The following PRPSAP1 variants were observed in gnomAD, a reference collection of about 807,000 sequenced individuals.
The protein encoded by PRPSAP1 is phosphoribosyl pyrophosphate synthetase associated protein 1, also known as phosphoribosyl pyrophosphate synthase-associated protein 1.
PRPSAP1 carries 31 observed loss-of-function variants against 39.4 expected under a neutral mutation model. That is an observed-to-expected ratio of 0.79 (90% CI 0.59 to 1.06). The LOEUF is 1.06. Among genes scored for constraint, PRPSAP1 ranks in the 50% least tolerant of loss-of-function variants. The pLI, the probability that PRPSAP1 is intolerant of heterozygous loss-of-function variation, is 0.00. For synonymous variants in PRPSAP1, 212 were observed against 192.6 expected, an observed-to-expected ratio of 1.10 and a Z score of -0.83; for missense variants, 430 against 511.6, an observed-to-expected ratio of 0.84 and a Z score of 1.54.
At chr17:76,340,303 TACTC>T (rs2071421922) in intron 3 of PRPSAP1, among the ~76,000 whole-genome samples, 1 of 151,770 alleles carries the variant, frequency 6.6e-6, no homozygotes, top group Admixed American at 6.6e-5. Flanking sequence ...AATTTCCTAA[TACTC>T]AAGATACAAG....
chr17:76,343,113 C>T (rs561411304), intron 3 of PRPSAP1, among the ~76,000 whole-genome samples: 2 of 152,270 alleles, frequency 1.3e-5, no homozygotes, highest in African/African-American at 4.8e-5. Context: ...ACATATAAAG[C>T]ATCCAGCACA....
intron 7 of PRPSAP1, among the ~76,000 whole-genome samples, chr17:76,319,632 C>T (rs551480928): frequency 6.6e-6 from 1 of 152,094 alleles, no homozygotes; most frequent in African/African-American, 2.4e-5. Flanking sequence ...CCATGCTCGG[C>T]TAATTTTTGT....
intron 4 of PRPSAP1, among the ~76,000 whole-genome samples, chr17:76,331,305 T>G (rs2071319956): frequency 6.6e-6 from 1 of 152,198 alleles, no homozygotes; most frequent in Admixed American, 6.5e-5. Flanking sequence ...TTACTTGTTC[T>G]TTCCAGAAAC....
At chr17:76,345,245 A>AAAAAAAAAAAAAAAAAAAAAAAG (rs1567809415) in intron 2 of PRPSAP1, among the ~76,000 whole-genome samples, 1 of 141,890 alleles carries the variant, frequency 7.0e-6, no homozygotes, top group African/African-American at 2.6e-5. Context: ...ATTAAAAAAA[A>AAAAAAAAAAAAAAAAAAAAAAAG]AAAAAAAAAA....
rs766193460 is a variant in PRPSAP1, at chr17:76,313,824, G to A, written c.849C>T (p.Ile283=). ...CATGGATGACATATAACCATACCACGATGATTGCGATGCGGCCTCCAACAT... is the reference window on the plus strand; with the variant it reads ...CATGGATGACATATAACCATACCACAATGATTGCGATGCGGCCTCCAACAT... ...VGDVGGRIAI[I]VDDIIDDVES... The change falls in exon 8 of 10, where the codon ATC becomes ATT. Residue 283 remains isoleucine, a synonymous_variant. Coordinates refer to ENST00000446526, the MANE Select transcript of PRPSAP1 (RefSeq NM_002766.3). 19 of 1,614,012 alleles carry A rather than the reference G, an allele frequency of 1.2e-5. No individual in the cohort carries two copies. The highest frequency in any genetic ancestry group is 5.5e-5 in the South Asian group (5 of 91,074).
chr17:76,335,308 T>C (rs2071366095), intron 3 of PRPSAP1, among the ~76,000 whole-genome samples: 1 of 151,860 alleles, frequency 6.6e-6, no homozygotes, highest in Non-Finnish European at 1.5e-5. Flanking sequence ...TCAGTTAATT[T>C]AGTAGCTTCT....
chr17:76,325,069 CAAA>C (rs71161285), intron 7 of PRPSAP1, among the ~76,000 whole-genome samples: 7 of 117,526 alleles, frequency 6.0e-5, no homozygotes, highest in Admixed American at 1.8e-4. Context: ...CGTCTCAAAA[CAAA>C]AAAAAAAAAA....
At chr17:76,315,745 C>G (rs1436171357) in intron 7 of PRPSAP1, among the ~76,000 whole-genome samples, 1 of 116,034 alleles carries the variant, frequency 8.6e-6, no homozygotes, top group East Asian at 3.0e-4. Context: ...GACAGAGTCT[C>G]ACTCTGTCTC....
intron 7 of PRPSAP1, among the ~76,000 whole-genome samples, chr17:76,322,968 C>A (rs1567800276): frequency 2.0e-5 from 3 of 151,632 alleles, no homozygotes; most frequent in Non-Finnish European, 2.9e-5. Flanking sequence ...CACTGCAGGT[C>A]TGGGTGAGAG....
Position 76,351,512 on chromosome 17 carries a change from CAAAACAA to C in PRPSAP1, c.170+2015_170+2021del, listed in dbSNP as rs372627124. On this transcript the variant is annotated intron_variant, in intron 1 of 9. Transcript: ENST00000446526. The stretch of plus-strand genomic sequence containing the variant: ...CCTGGGCGACAGCGAGACTCCGTCT[CAAAACAA>C]AAAACAAAAAACAAAAAACTAGCCA... Among the ~76,000 whole-genome samples the C allele has an allele frequency of 4.3e-3, 654 of 150,376 alleles. 3 individuals carry two copies. Among genetic ancestry groups the C allele is most frequent in the African/African-American group, 0.015 (614 of 40,868 alleles).
intron 3 of PRPSAP1, among the ~76,000 whole-genome samples, chr17:76,343,543 G>A (rs2071462816): frequency 1.3e-5 from 2 of 152,208 alleles, no homozygotes. Context: ...TGTCCTTGAG[G>A]AGTTTAAAGC....
intron 7 of PRPSAP1, chr17:76,314,463 C>T (rs1052214212): frequency 2.0e-5 from 3 of 153,198 alleles, no homozygotes; most frequent in African/African-American, 4.8e-5. Context: ...GTGATCCACC[C>T]GCCTCAGCCT....
At chr17:76,351,790 C>T (rs1318317159) in intron 1 of PRPSAP1, among the ~76,000 whole-genome samples, 1 of 152,050 alleles carries the variant, frequency 6.6e-6, no homozygotes, top group Non-Finnish European at 1.5e-5. Context: ...CAAAATCTTT[C>T]GGGAATTTGC....
Position 76,353,539 on chromosome 17 carries a change from G to A in PRPSAP1, c.165C>T (p.Ile55=), listed in dbSNP as rs780947358. 2 of 1,529,866 alleles carry A rather than the reference G, an allele frequency of 1.3e-6. No individual in the cohort carries two copies. The highest frequency in any genetic ancestry group is 2.0e-5 in the Admixed American group (1 of 50,386). 94.8% of individuals were successfully genotyped at this position (1,529,866 alleles called of 1,614,324 possible). The change falls in exon 1 of 10, where the codon ATC becomes ATT. Residue 55 remains isoleucine (I), a synonymous_variant. Transcript: ENST00000446526. ...TAACTELAKR[I]TERLGAELGK... Reference sequence around the variant, plus strand: ...CCCTCCCACCGCCCCCTTACTCTGTGATGCGCTTGGCCAGCTCCGTGCAGG... The same window carrying A: ...CCCTCCCACCGCCCCCTTACTCTGTAATGCGCTTGGCCAGCTCCGTGCAGG...
chr17:76,316,191 AG>A (rs1162052049), intron 7 of PRPSAP1, among the ~76,000 whole-genome samples: 10 of 128,900 alleles, frequency 7.8e-5, no homozygotes, highest in African/African-American at 1.9e-4. Flanking sequence ...AAAAAAAAAA[AG>A]AAAAAAAAAA....
chr17:76,344,477 G>A (rs1005038753), intron 3 of PRPSAP1, among the ~76,000 whole-genome samples, 194 bp downstream of exon 3: 15 of 147,998 alleles, frequency 1.0e-4, no homozygotes, highest in African/African-American at 3.5e-4. Context: ...ATATTGGTCA[G>A]GCTGGTCTCG....
Position 76,312,923 on chromosome 17 carries a change from C to A in PRPSAP1, c.946G>T (p.Gly316Cys). ...AYKIYVMATHGILSAEAPRLI... is the reference protein window; with the variant it reads ...AYKIYVMATHCILSAEAPRLI... ...CGAGGGGCCTCTGCAGACAGGATGC[C>A]GTGGGTGGCCATAACATAGATCTTA... Residue 316 changes from glycine to cysteine, a missense_variant, in exon 9 of 10, where the codon GGC (glycine) becomes TGC (cysteine). Transcript: ENST00000446526. 6.2e-7 allele frequency: 1 copy of A among 1,614,068 alleles called. No homozygotes were observed. The highest frequency in any genetic ancestry group is 8.5e-7 in the Non-Finnish European group (1 of 1,180,006).
intron 3 of PRPSAP1, among the ~76,000 whole-genome samples, chr17:76,343,916 G>A (rs997074204): frequency 6.6e-6 from 1 of 152,158 alleles, no homozygotes; most frequent in South Asian, 2.1e-4. Context: ...ATTGTATTTG[G>A]GGAAGCATTT....
intron 7 of PRPSAP1, among the ~76,000 whole-genome samples, chr17:76,324,375 G>C (rs1360259143): frequency 6.6e-6 from 1 of 151,928 alleles, no homozygotes; most frequent in African/African-American, 2.4e-5. Flanking sequence ...AAGGCGGGTG[G>C]ATCATCTGAG....
Sources: gnomAD v4.1 joint callset for allele counts (sites outside exome capture counted in the v4.1 genomes callset) on GRCh38, gnomAD v4.1.1 for gene constraint, MANE v1.5 for transcripts, NCBI Gene and HGNC (gene_info 2026-07-23, HGNC 2026-07-21) for gene names.